Variants in ANHX observed in about 807,000 individuals in gnomAD.
ANHX encodes the protein anomalous homeobox protein.
A neutral mutation model predicts 38.9 loss-of-function variants in ANHX; 20 were observed. That is an observed-to-expected ratio of 0.51 (90% CI 0.36 to 0.75). ANHX has a LOEUF of 0.75. Ranked by LOEUF, ANHX falls within the 30% of genes least tolerant of loss-of-function variation. The probability of loss-of-function intolerance (pLI) is 0.00; values close to 1 mark genes in which losing one functional copy is unlikely to be tolerated. For synonymous variants in ANHX, 185 were observed against 203.1 expected (o/e 0.91, Z 0.76); for missense variants, 475 against 493.1 (o/e 0.96, Z 0.35).
intron 8 of ANHX, among the ~76,000 whole-genome samples, chr12:133,220,945 G>A (rs1213434967): frequency 6.6e-6 from 1 of 152,234 alleles, no homozygotes; most frequent in Non-Finnish European, 1.5e-5. Flanking sequence ...GGTCCAGGGT[G>A]ATTTGGGGGT....
Position 133,234,091 on chromosome 12 carries a change from C to T in ANHX, c.249+17G>A. 1 of 1,534,538 alleles carries T rather than the reference C, an allele frequency of 6.5e-7. No homozygotes were observed. Among genetic ancestry groups the T allele is most frequent in the African/African-American group, 1.4e-5 (1 of 73,130 alleles). ...TGCTACCTCTCTCTGTACCCTACCC[C>T]TGTAGCCCAGGCCTACCTCCAGGAG... On this transcript the variant is annotated intron_variant, in intron 2 of 9. Coordinates refer to ENST00000545940, the MANE Select transcript of ANHX (RefSeq NM_001372060.1).
chr12:133,222,384 C>T (rs910508339), intron 7 of ANHX, among the ~76,000 whole-genome samples: 4 of 152,044 alleles, frequency 2.6e-5, no homozygotes, highest in African/African-American at 4.8e-5. Flanking sequence ...CCAAGGAGCT[C>T]GGGAGGGAGA....
At chr12:133,220,169 ACT>A (rs1272517375) in intron 8 of ANHX, among the ~76,000 whole-genome samples, 1 of 152,116 alleles carries the variant, frequency 6.6e-6, no homozygotes, top group Admixed American at 6.5e-5. Context: ...TGAAAGTCAC[ACT>A]GAGAAAATTC....
intron 7 of ANHX, among the ~76,000 whole-genome samples, chr12:133,225,168 A>G (rs1289337749): frequency 6.6e-6 from 1 of 152,026 alleles, no homozygotes; most frequent in Non-Finnish European, 1.5e-5. Flanking sequence ...ACTACAGGCT[A>G]AGGGGGGTGG....
chr12:133,229,120 G>C lies in ANHX; in HGVS notation c.378-1173C>G, dbSNP rs184739470. Among the ~76,000 whole-genome samples, 343 of 152,198 alleles carry C rather than the reference G, an allele frequency of 2.3e-3. 1 individual carries two copies. The highest frequency in any genetic ancestry group is 7.9e-3 in the African/African-American group (327 of 41,518). On this transcript the variant is annotated intron_variant, in intron 3 of 9. Transcript: ENST00000545940. Reference sequence around the variant, plus strand: ...CTCCTCTGGGCTGCAAAGTCCCAGAGGTCTGTCCCCTGAACACAGAGGACC... The same window carrying C: ...CTCCTCTGGGCTGCAAAGTCCCAGACGTCTGTCCCCTGAACACAGAGGACC...
intron 3 of ANHX, among the ~76,000 whole-genome samples, chr12:133,229,095 C>T (rs1016044024): frequency 4.6e-5 from 7 of 152,174 alleles, no homozygotes; most frequent in African/African-American, 1.4e-4. Context: ...CTTCCTCATC[C>T]TCCTCTGGGC....
At chr12:133,233,100 C>T (rs551992052) in intron 2 of ANHX, among the ~76,000 whole-genome samples, 8 of 152,336 alleles carry the variant, frequency 5.3e-5, no homozygotes, top group Middle Eastern at 3.4e-3. Context: ...GGAAAGACAC[C>T]TGCAAAGGCC....
intron 8 of ANHX, among the ~76,000 whole-genome samples, chr12:133,219,841 C>T (rs990275753): frequency 1.3e-5 from 2 of 152,078 alleles, no homozygotes; most frequent in Non-Finnish European, 2.9e-5. Context: ...CTGTGATGCC[C>T]CCAAATCCCC....
chr12:133,227,230 C>T, intron 4 of ANHX, 78 bp from the exon 5 acceptor site: 4 of 1,413,538 alleles, frequency 2.8e-6, no homozygotes, highest in Non-Finnish European at 3.8e-6. Flanking sequence ...GCTCAGACAG[C>T]TCATTTACAC....
rs1957064846 is a variant in ANHX, at chr12:133,218,412, A to G, written c.*473T>C. On this transcript the variant is annotated 3_prime_UTR_variant, in exon 10 of 10. Coordinates refer to ENST00000545940, the MANE Select transcript of ANHX (RefSeq NM_001372060.1). ...AAATCCACCCTACTCTGCCCTGCCTAGGCCATTCGCAGACAGGTTTGCCTC... is the reference window on the plus strand; with the variant it reads ...AAATCCACCCTACTCTGCCCTGCCTGGGCCATTCGCAGACAGGTTTGCCTC... 6.5e-6 allele frequency: 1 copy of G among 153,462 alleles called. No homozygotes were observed. The highest frequency in any genetic ancestry group is 1.4e-5 in the Non-Finnish European group (1 of 68,998). 9.5% of individuals were successfully genotyped at this position (153,462 alleles called of 1,614,324 possible). A position where few individuals can be genotyped will look rare whatever the true frequency, so the allele number is the denominator to read the frequency against.
At chr12:133,228,115 A>G (rs534423438) in intron 3 of ANHX, among the ~76,000 whole-genome samples, 168 bp from the exon 4 acceptor site, 1 of 152,118 alleles carries the variant, frequency 6.6e-6, no homozygotes, top group Non-Finnish European at 1.5e-5. Flanking sequence ...TTCCACAGAC[A>G]TGCACAAACC....
intron 3 of ANHX, among the ~76,000 whole-genome samples, chr12:133,228,626 C>T (rs1445504928): frequency 1.3e-5 from 2 of 152,126 alleles, no homozygotes; most frequent in Non-Finnish European, 2.9e-5. Flanking sequence ...ACCACCTGTG[C>T]CCCCAGCAAA....
intron 6 of ANHX, among the ~76,000 whole-genome samples, 168 bp from the exon 7 acceptor site, chr12:133,225,996 A>C (rs989038205): frequency 2.6e-5 from 4 of 151,458 alleles, no homozygotes; most frequent in Non-Finnish European, 4.4e-5. Context: ...CTAGAAACAA[A>C]CCACAGGGAC....
At chr12:133,231,028 A>G (rs986446309) in intron 3 of ANHX, among the ~76,000 whole-genome samples, 3 of 152,210 alleles carry the variant, frequency 2.0e-5, no homozygotes, top group Non-Finnish European at 4.4e-5. Context: ...TAACACTGGC[A>G]ACATTCTCAC....
rs761815261 is a variant in ANHX at position 133,227,169 on chromosome 12, A to G, written c.502-17T>C. 6.5e-7 allele frequency: 1 copy of G among 1,529,018 alleles called. No homozygotes were observed. The highest frequency in any genetic ancestry group is 1.2e-5 in the South Asian group (1 of 82,878). 94.7% of individuals were successfully genotyped at this position (1,529,018 alleles called of 1,614,324 possible). A position where few individuals can be genotyped will look rare whatever the true frequency, so the allele number is the denominator to read the frequency against. On this transcript the variant is annotated splice_polypyrimidine_tract_variant and intron_variant, in intron 4 of 9. Coordinates refer to ENST00000545940, the MANE Select transcript of ANHX (RefSeq NM_001372060.1). The stretch of plus-strand genomic sequence containing the variant: ...CAAGTTCTCCTGCCCCCAAACAACA[A>G]GACTTCTAGCCCTGCTTCCATTCCC...
chr12:133,224,976 A>AC (rs1957170229), intron 7 of ANHX, among the ~76,000 whole-genome samples: 2 of 145,942 alleles, frequency 1.4e-5, no homozygotes, highest in Admixed American at 6.7e-5. Context: ...AAAAAAAAAA[A>AC]ACAAAAACAA....
At chr12:133,228,104 C>A (rs957292997) in intron 3 of ANHX, among the ~76,000 whole-genome samples, 157 bp from the exon 4 acceptor site, 2 of 152,174 alleles carry the variant, frequency 1.3e-5, no homozygotes, top group Non-Finnish European at 1.5e-5. Flanking sequence ...ACTAGAGTCT[C>A]TTCCACAGAC....
In ANHX at chr12:133,218,786, A is replaced by G. The variant is rs534263843; in HGVS notation, c.*99T>C. On this transcript the variant is annotated 3_prime_UTR_variant, in exon 10 of 10. Transcript: ENST00000545940. ...CCCCAGGGGAACTCTGGGGACCTTC[A>G]TTTTGTATTCAGGATAAAGCTCTGT... 1.1e-5 allele frequency: 10 copies of G among 888,990 alleles called. No individual in the cohort carries two copies. The African/African-American group carries it at 1.7e-4, about 15-fold the overall frequency. The allele number at this position is 888,990 out of a possible 1,614,324, so 55.1% of individuals were successfully genotyped here. A position where few individuals can be genotyped will look rare whatever the true frequency, so the allele number is the denominator to read the frequency against.
At chr12:133,233,268 T>C (rs1394355936) in intron 2 of ANHX, among the ~76,000 whole-genome samples, 2 of 152,078 alleles carry the variant, frequency 1.3e-5, no homozygotes, top group African/African-American at 2.4e-5. Flanking sequence ...ACCATTTGCA[T>C]TGTAAAAACT....
Sources: gnomAD v4.1 joint callset for allele counts (sites outside exome capture counted in the v4.1 genomes callset) on GRCh38, gnomAD v4.1.1 for gene constraint, MANE v1.5 for transcripts, NCBI Gene and HGNC (gene_info 2026-07-23, HGNC 2026-07-21) for gene names.